Variants in DMD observed in about 807,000 individuals in gnomAD.
DMD encodes mutant dystrophin.
In DMD, 63 loss-of-function variants were observed where a neutral mutation model predicts 330.1. The observed-to-expected ratio is 0.19, with a 90% CI of 0.16 to 0.24. The LOEUF (loss-of-function observed/expected upper bound fraction) is 0.24. Ranked by LOEUF, DMD falls within the 10% of genes least tolerant of loss-of-function variation. DMD has a pLI of 1.00. For synonymous variants in DMD, 1,223 were observed against 959.8 expected (o/e 1.27, Z -5.07); for missense variants, 3,344 against 2,684.1 (o/e 1.25, Z -5.43).
chrX:32,851,045 G>T (rs904007855), intron 2 of DMD, among the ~76,000 whole-genome samples: 1 of 111,930 alleles, frequency 8.9e-6, no homozygotes, highest in Non-Finnish European at 1.9e-5. Flanking sequence ...AAAACGTCAG[G>T]TGATGGGTCT....
chrX:32,750,101 G>C (rs2070618426), intron 7 of DMD, among the ~76,000 whole-genome samples: 1 of 112,106 alleles, frequency 8.9e-6, no homozygotes, highest in South Asian at 3.7e-4. Flanking sequence ...ACTCATAAGT[G>C]TTTATTGACT....
At chrX:31,651,438 T>C (rs1027287235) in intron 54 of DMD, among the ~76,000 whole-genome samples, 5 of 111,438 alleles carry the variant, frequency 4.5e-5, no homozygotes, top group African/African-American at 1.6e-4. Flanking sequence ...ACATTTAAAA[T>C]TGCATTGAAG....
chrX:32,439,802 T>A (rs1395800835), intron 28 of DMD, among the ~76,000 whole-genome samples: 1 of 111,168 alleles, frequency 9.0e-6, no homozygotes, highest in Non-Finnish European at 1.9e-5. Context: ...CTCCATTATC[T>A]GAATTAGGAA....
chrX:31,751,979 T>C (rs1180413071), intron 51 of DMD, among the ~76,000 whole-genome samples: 1 of 112,089 alleles, frequency 8.9e-6, no homozygotes, highest in Non-Finnish European at 1.9e-5. Context: ...AGAGCCTGCC[T>C]GCATTTCTTG....
chrX:32,727,950 G>C (rs1603285407), intron 7 of DMD, among the ~76,000 whole-genome samples: 1 of 111,186 alleles, frequency 9.0e-6, no homozygotes, highest in Admixed American at 9.6e-5. Context: ...ATTACTGCTT[G>C]TCAGGAAAAA....
chrX:31,718,881 G>A (rs2148952557), intron 52 of DMD, among the ~76,000 whole-genome samples: 1 of 111,949 alleles, frequency 8.9e-6, no homozygotes, highest in South Asian at 3.7e-4. Context: ...AAACTAGTAT[G>A]GAAGTTATCA....
At chrX:32,595,360 G>A (rs1255839199) in intron 13 of DMD, among the ~76,000 whole-genome samples, 3 of 111,698 alleles carry the variant, frequency 2.7e-5, no homozygotes, top group Admixed American at 1.9e-4. Context: ...GAATTATATT[G>A]AAAAGCTATT....
intron 19 of DMD, among the ~76,000 whole-genome samples, chrX:32,492,286 G>C (rs61528875): frequency 2.3e-4 from 26 of 112,127 alleles, no homozygotes; most frequent in Admixed American, 5.6e-4. Flanking sequence ...TGCAGTGAGC[G>C]GAGATCGCGC....
intron 48 of DMD, among the ~76,000 whole-genome samples, chrX:31,853,300 A>G (rs1382366415): frequency 8.9e-6 from 1 of 112,961 alleles, no homozygotes; most frequent in Non-Finnish European, 1.9e-5. Flanking sequence ...GCATGAAAGT[A>G]GTCAGGTCTA....
chrX:32,904,186 C>A (rs1364057444), intron 2 of DMD, among the ~76,000 whole-genome samples: 1 of 111,989 alleles, frequency 8.9e-6, no homozygotes, highest in African/African-American at 3.2e-5. Flanking sequence ...TATATGTAAT[C>A]TTTTTTCTTA....
chrX:32,899,014 G>A (rs2085981651), intron 2 of DMD, among the ~76,000 whole-genome samples: 1 of 112,197 alleles, frequency 8.9e-6, no homozygotes, highest in Non-Finnish European at 1.9e-5. Context: ...CTCAACTTAT[G>A]AGGCAAATAT....
At chrX:32,619,214 A>T (rs962775888) in intron 11 of DMD, among the ~76,000 whole-genome samples, 1 of 111,933 alleles carries the variant, frequency 8.9e-6, no homozygotes. Flanking sequence ...CAGTAAAGAA[A>T]GAAAACCACT....
At chrX:32,926,101 A>G (rs1168462055) in intron 2 of DMD, among the ~76,000 whole-genome samples, 1 of 112,506 alleles carries the variant, frequency 8.9e-6, no homozygotes, top group Non-Finnish European at 1.9e-5. Context: ...CACACACACA[A>G]TGGAATATAA....
chrX:32,212,517 A>G (rs1237918445), intron 44 of DMD, among the ~76,000 whole-genome samples: 3 of 111,805 alleles, frequency 2.7e-5, no homozygotes, highest in African/African-American at 9.7e-5. Flanking sequence ...GAATTAAGAT[A>G]TTTTCACAAG....
At chrX:31,443,880 C>T (rs1454255964) in intron 60 of DMD, among the ~76,000 whole-genome samples, 2 of 111,746 alleles carry the variant, frequency 1.8e-5, no homozygotes, top group Non-Finnish European at 3.8e-5. Context: ...CGTAAGAATA[C>T]TGCTACACAG....
At chrX:31,865,274 A>C (rs1406048073) in intron 48 of DMD, among the ~76,000 whole-genome samples, 1 of 111,817 alleles carries the variant, frequency 8.9e-6, no homozygotes, top group East Asian at 2.8e-4. Context: ...CAGGAGAAAA[A>C]CATTCAATAA....
At chrX:31,956,642 T>TA (rs2095249262) in intron 45 of DMD, among the ~76,000 whole-genome samples, 1 of 112,353 alleles carries the variant, frequency 8.9e-6, no homozygotes, top group Non-Finnish European at 1.9e-5. Flanking sequence ...CCAGTGGATT[T>TA]AACTACAAGA....
intron 7 of DMD, among the ~76,000 whole-genome samples, chrX:32,750,939 A>G (rs752072376): frequency 2.7e-5 from 3 of 111,573 alleles, no homozygotes; most frequent in Non-Finnish European, 3.8e-5. Flanking sequence ...TCCCCACACA[A>G]GCTCTCTGTC....
chrX:32,278,812 C>G (rs766279089), intron 43 of DMD, among the ~76,000 whole-genome samples: 1 of 111,535 alleles, frequency 9.0e-6, no homozygotes, highest in Non-Finnish European at 1.9e-5. Flanking sequence ...CAAAAATAGA[C>G]AAATGGATCA....
Sources: allele counts gnomAD v4.1 joint callset (sites outside exome capture counted in the v4.1 genomes callset), GRCh38; gene constraint gnomAD v4.1.1; transcripts MANE v1.5; gene names NCBI Gene and HGNC (gene_info 2026-07-23, HGNC 2026-07-21).